The following METTL15 variants were observed in gnomAD, a reference collection of about 807,000 sequenced individuals.
METTL15 encodes methyltransferase 15, mitochondrial 12S rRNA N4-cytidine.
A neutral mutation model predicts 38.3 loss-of-function variants in METTL15; 34 were observed. The observed-to-expected ratio is 0.89, with a 90% CI of 0.68 to 1.18. The LOEUF is 1.18. METTL15 is among the 50% of genes most tolerant of loss of function. The pLI is 0.00. For missense variants in METTL15, 438 were observed against 498.4 expected, an observed-to-expected ratio of 0.88 and a Z score of 1.15; for synonymous variants, 162 against 170.9, an observed-to-expected ratio of 0.95 and a Z score of 0.41.
At chr11:28,293,582 A>T (rs986513932) in intron 5 of METTL15, among the ~76,000 whole-genome samples, 4 of 152,056 alleles carry the variant, frequency 2.6e-5, no homozygotes, top group Non-Finnish European at 5.9e-5. Context: ...GTTTTTTCCA[A>T]TTCTGTGAAG....
At chr11:28,227,324 A>G (rs1853522815) in intron 4 of METTL15, among the ~76,000 whole-genome samples, 1 of 151,910 alleles carries the variant, frequency 6.6e-6, no homozygotes, top group South Asian at 2.1e-4. Flanking sequence ...CTAATTATTT[A>G]ATTAAAATTG....
intron 3 of METTL15, among the ~76,000 whole-genome samples, chr11:28,140,782 G>GCTGT (rs1849671091): frequency 6.6e-6 from 1 of 152,186 alleles, no homozygotes; most frequent in Non-Finnish European, 1.5e-5. Flanking sequence ...TGCTGATGGG[G>GCTGT]CTGTGTTCCC....
At chr11:28,379,992 T>C (rs1850363797) in intron 5 of METTL15, among the ~76,000 whole-genome samples, 1 of 152,186 alleles carries the variant, frequency 6.6e-6, no homozygotes, top group South Asian at 2.1e-4. Flanking sequence ...CTTTAACTTC[T>C]AGTATATTTT....
intron 6 of METTL15, among the ~76,000 whole-genome samples, chr11:28,474,538 G>C (rs1851328929): frequency 6.6e-6 from 1 of 152,116 alleles, no homozygotes; most frequent in Non-Finnish European, 1.5e-5. Flanking sequence ...TTTTTTGGGA[G>C]AATATTCACA....
chr11:28,127,734 AT>A (rs1411900254), intron 3 of METTL15, among the ~76,000 whole-genome samples: 1 of 152,124 alleles, frequency 6.6e-6, no homozygotes, highest in Non-Finnish European at 1.5e-5. Flanking sequence ...CATAGAACCA[AT>A]TAATACTGTT....
intron 4 of METTL15, among the ~76,000 whole-genome samples, chr11:28,240,001 A>G (rs1279297412): frequency 6.6e-6 from 1 of 152,200 alleles, no homozygotes; most frequent in African/African-American, 2.4e-5. Flanking sequence ...TACCTATAAC[A>G]GTTGCTGGCC....
At chr11:28,369,758 A>T (rs1054943439) in intron 5 of METTL15, among the ~76,000 whole-genome samples, 11 of 152,160 alleles carry the variant, frequency 7.2e-5, no homozygotes, top group Non-Finnish European at 1.2e-4. Context: ...GTTCATCAAA[A>T]CTAGACCTGC....
chr11:28,314,337 G>A (rs141813530), intron 6 of METTL15, among the ~76,000 whole-genome samples: 6 of 152,228 alleles, frequency 3.9e-5, no homozygotes, highest in African/African-American at 1.4e-4. Context: ...CTTTATCTTC[G>A]AGTGCAAGGA....
At chr11:28,362,460 G>A (rs944578559) in intron 5 of METTL15, among the ~76,000 whole-genome samples, 1 of 152,124 alleles carries the variant, frequency 6.6e-6, no homozygotes, top group African/African-American at 2.4e-5. Flanking sequence ...TACCCAACAG[G>A]TGGTTCTTCA....
chr11:28,273,081 A>G (rs1855709780), intron 4 of METTL15, among the ~76,000 whole-genome samples: 1 of 152,208 alleles, frequency 6.6e-6, no homozygotes, highest in Non-Finnish European at 1.5e-5. Context: ...TCTCTGTTAA[A>G]ATATTCTGTG....
downstream of METTL15, among the ~76,000 whole-genome samples, chr11:28,529,607 G>C (rs994402659): frequency 9.5e-6 from 1 of 105,298 alleles, no homozygotes; most frequent in Non-Finnish European, 1.8e-5. Context: ...ATAGCAGGGG[G>C]TGGGGGGCGG....
intron 3 of METTL15, among the ~76,000 whole-genome samples, chr11:28,127,553 CT>C (rs1852549405): frequency 1.3e-5 from 2 of 152,024 alleles, no homozygotes; most frequent in Admixed American, 1.3e-4. Context: ...AATATTTATT[CT>C]TAACTTTTTC....
chr11:28,494,418 G>A (rs1851520096), intron 6 of METTL15, among the ~76,000 whole-genome samples: 1 of 152,154 alleles, frequency 6.6e-6, no homozygotes, highest in Admixed American at 6.5e-5. Flanking sequence ...CCCATTCAGT[G>A]TAGTATGGTA....
intron 3 of METTL15, chr11:28,124,025 C>T (rs1852363844): frequency 2.0e-6 from 1 of 496,412 alleles, no homozygotes; most frequent in Non-Finnish European, 3.3e-6. Context: ...CTGTGCTTTT[C>T]ATTAATACTA....
At chr11:28,443,776 T>C (rs1851054314) in intron 6 of METTL15, among the ~76,000 whole-genome samples, 1 of 152,186 alleles carries the variant, frequency 6.6e-6, no homozygotes, top group Admixed American at 6.5e-5. Context: ...GTAGAGAATC[T>C]GACAGATTCT....
chr11:28,452,631 C>A (rs918084346), intron 6 of METTL15, among the ~76,000 whole-genome samples: 1 of 152,160 alleles, frequency 6.6e-6, no homozygotes, highest in African/African-American at 2.4e-5. Flanking sequence ...GTAACCCAGG[C>A]ACTCACTGGG....
At chr11:28,309,604 C>G (rs1857204417) in intron 6 of METTL15, among the ~76,000 whole-genome samples, 1 of 152,150 alleles carries the variant, frequency 6.6e-6, no homozygotes, top group African/African-American at 2.4e-5. Flanking sequence ...TCCAGTTTCC[C>G]TAAGTCTGAT....
At chr11:28,303,127 C>A (rs950991361) in intron 6 of METTL15, among the ~76,000 whole-genome samples, 1 of 152,086 alleles carries the variant, frequency 6.6e-6, no homozygotes, top group Non-Finnish European at 1.5e-5. Context: ...TGAGCTTTTT[C>A]GTATTCTAGC....
chr11:28,395,636 G>A (rs1461127448), intron 5 of METTL15, among the ~76,000 whole-genome samples: 1 of 152,162 alleles, frequency 6.6e-6, no homozygotes, highest in Non-Finnish European at 1.5e-5. Flanking sequence ...TCCAGGACCA[G>A]AAGGATTCAC....
Sources: allele counts gnomAD v4.1 joint callset (sites outside exome capture counted in the v4.1 genomes callset), GRCh38; gene constraint gnomAD v4.1.1; transcripts MANE v1.5; gene names NCBI Gene and HGNC (gene_info 2026-07-23, HGNC 2026-07-21).